Variants in APEH observed in about 807,000 individuals in gnomAD.
The protein encoded by APEH is acylamino-acid-releasing enzyme.
APEH carries 75 observed loss-of-function variants against 102.7 expected under a neutral mutation model. That is an observed-to-expected ratio of 0.73 (90% CI 0.61 to 0.89). The LOEUF (loss-of-function observed/expected upper bound fraction) is 0.89, where lower values mean the gene tolerates loss of function less well. APEH is among the 40% of genes least tolerant of loss of function. APEH has a pLI of 0.00. For synonymous variants in APEH, 344 were observed against 362.7 expected, an observed-to-expected ratio of 0.95 and a Z score of 0.59; for missense variants, 863 against 941.2, an observed-to-expected ratio of 0.92 and a Z score of 1.09.
chr3:49,682,806 A>G lies in APEH; in HGVS notation c.1884-37A>G, dbSNP rs774391391. 1.4e-5 allele frequency: 22 copies of G among 1,613,712 alleles called. No individual in the cohort carries two copies. The East Asian group carries it at 4.9e-4, about 36-fold the overall frequency. On this transcript the variant is annotated intron_variant, in intron 19 of 21. Coordinates refer to ENST00000296456, the MANE Select transcript of APEH (RefSeq NM_001640.4). ...AATTCTCATGGAGCCCCGTAGCCCC[A>G]GAATTCCTGGGGCTGCAACAGCTCG... is the stretch of plus-strand genomic sequence containing the variant.
intron 2 of APEH, 70 bp from the exon 3 acceptor site, chr3:49,675,113 C>T: frequency 1.2e-6 from 2 of 1,600,140 alleles, no homozygotes; most frequent in Non-Finnish European, 8.5e-7. Flanking sequence ...CTTCCTGGGT[C>T]AGGTGGGGCT....
chr3:49,677,442 G>A, intron 10 of APEH, 131 bp from the exon 11 acceptor site: 1 of 842,678 alleles, frequency 1.2e-6, no homozygotes, highest in Non-Finnish European at 2.0e-6. Flanking sequence ...CCAGAAAAGA[G>A]ATACATCAGG....
At position 49,683,372 on chromosome 3, in the gene APEH, C is replaced by T. The variant is rs537120703; in HGVS notation, c.*30C>T. The T allele has an allele frequency of 5.1e-6, 8 of 1,571,582 alleles. No homozygotes were observed. The highest frequency in any genetic ancestry group is 7.0e-6 in the Non-Finnish European group (8 of 1,142,124). On this transcript the variant is annotated 3_prime_UTR_variant, in exon 22 of 22. Transcript: ENST00000296456. The stretch of plus-strand genomic sequence containing the variant: ...CTGCCATTCTGCATGAGCTGATCAG[C>T]CTGTGCCACACTTCGCTCTTGAGGA...
At position 49,682,826 on chromosome 3, in the gene APEH, A is replaced by T. The variant is rs368072209; in HGVS notation, c.1884-17A>T. Reference sequence around the variant, plus strand: ...GCCCCAGAATTCCTGGGGCTGCAACAGCTCGGTGTCTTGCAGGTGCGTGGT... The same window carrying T: ...GCCCCAGAATTCCTGGGGCTGCAACTGCTCGGTGTCTTGCAGGTGCGTGGT... On this transcript the variant is annotated splice_polypyrimidine_tract_variant and intron_variant, in intron 19 of 21. Transcript: ENST00000296456. 1 of 1,614,010 alleles carries T rather than the reference A, an allele frequency of 6.2e-7. No homozygotes were observed.
intron 19 of APEH, 33 bp downstream of exon 19, chr3:49,682,769 T>C (rs1255241092): frequency 1.2e-6 from 2 of 1,613,556 alleles, no homozygotes; most frequent in African/African-American, 1.3e-5. Flanking sequence ...TGCCCTTCCC[T>C]CCTCTACCTC....
upstream of APEH, among the ~76,000 whole-genome samples, chr3:49,673,210 T>G (rs533789137): frequency 9.7e-4 from 142 of 146,852 alleles, no homozygotes; most frequent in African/African-American, 3.3e-3. Context: ...AAGCACGCCA[T>G]GGAGCAGGGA....
At chr3:49,680,730 C>G (rs888173504) in intron 14 of APEH, 101 bp downstream of exon 14, 2 of 1,095,324 alleles carry the variant, frequency 1.8e-6, no homozygotes, top group African/African-American at 3.1e-5. Flanking sequence ...GGCTGGTCAG[C>G]ATACAGACGG....
In APEH at chr3:49,676,798, C is replaced by T; in HGVS notation, c.858C>T (p.Asp286=). 6.2e-7 allele frequency: 1 copy of T among 1,614,248 alleles called. No homozygotes were observed. Among genetic ancestry groups the T allele is most frequent in the Non-Finnish European group, 8.5e-7 (1 of 1,180,038 alleles). The change falls in exon 9 of 22, where the codon GAC becomes GAT. Residue 286 remains aspartate (D), a synonymous_variant. Transcript: ENST00000296456. ...TNRRSALYYV[D]LIGGKCELLS... ...CCAGGTCAGCCCTGTATTATGTGGA[C>T]CTCATCGGGGGGAAGTGTGGTAAGT...
intron 1 of APEH, 38 bp downstream of exon 1, chr3:49,674,451 C>T (rs1365629554): frequency 6.4e-7 from 1 of 1,570,612 alleles, no homozygotes; most frequent in Non-Finnish European, 8.6e-7. Flanking sequence ...GTCCCTGCAG[C>T]CCGGGCCGGG....
Position 49,675,166 on chromosome 3 carries a change from C to T in APEH, c.146-17C>T. On this transcript the variant is annotated splice_polypyrimidine_tract_variant and intron_variant, in intron 2 of 21. Coordinates refer to ENST00000296456, the MANE Select transcript of APEH (RefSeq NM_001640.4). ...GTAGCCAAGACAAGGTGAGCAGTCT[C>T]ATGCCTCCCCTCACAGAGTGGACCC... 3.1e-6 allele frequency: 5 copies of T among 1,613,624 alleles called. No individual in the cohort carries two copies. The highest frequency in any genetic ancestry group is 2.2e-5 in the East Asian group (1 of 44,872).
rs768872805 is a variant in APEH at position 49,676,782 on chromosome 3, C to T, written c.842C>T (p.Ala281Val). The T allele has an allele frequency of 6.2e-7, 1 of 1,614,256 alleles. No individual in the cohort carries two copies. The highest frequency in any genetic ancestry group is 2.2e-5 in the East Asian group (1 of 44,886). Reference protein sequence around the residue: ...GIRFCTNRRSALYYVDLIGGK... With the variant: ...GIRFCTNRRSVLYYVDLIGGK... Reference sequence around the variant, plus strand: ...TGTCTGTCTCGTGGTTCCAGGTCAGCCCTGTATTATGTGGACCTCATCGGG... The same window carrying T: ...TGTCTGTCTCGTGGTTCCAGGTCAGTCCTGTATTATGTGGACCTCATCGGG... Residue 281 changes from alanine (A) to valine (V), a missense_variant, in exon 9 of 22, where the codon GCC becomes GTC. By Grantham distance (64) the Ala-to-Val change is moderately conservative (BLOSUM62 0). Transcript: ENST00000296456.
chr3:49,675,234 A>G lies in APEH; in HGVS notation c.197A>G (p.Gln66Arg). ...ERMENIRFCR[Q>R]YLVFHDGDSV... is the part of the protein sequence containing the mutation. ...ATGGAGAACATTCGATTCTGCCGCC[A>G]ATACCTGGTGTTCCATGACGGGGAC... The change falls in exon 3 of 22, where the codon CAA (glutamine) becomes CGA (arginine). Residue 66 changes from glutamine to arginine, a missense_variant. Transcript: ENST00000296456. The G allele has an allele frequency of 6.2e-7, 1 of 1,614,104 alleles. No homozygotes were observed.
At chr3:49,673,574 A>G (rs947448100), upstream of APEH, among the ~76,000 whole-genome samples, 1 of 152,012 alleles carries the variant, frequency 6.6e-6, no homozygotes, top group Non-Finnish European at 1.5e-5. Context: ...GCAGCACCCT[A>G]AGAGTTGGCA....
intron 10 of APEH, 108 bp downstream of exon 10, chr3:49,677,132 T>G: frequency 6.7e-7 from 1 of 1,494,986 alleles, no homozygotes; most frequent in South Asian, 1.2e-5. Context: ...GTAGGTGCCC[T>G]TCTGTCCTCA....
Position 49,675,623 on chromosome 3 carries a change from G to C in APEH, c.273-71G>C, listed in dbSNP as rs752799388. The C allele has an allele frequency of 5.6e-5, 79 of 1,417,832 alleles. No homozygotes were observed. The African/African-American group carries it at 1.0e-3, about 18-fold the overall frequency. 87.8% of individuals were successfully genotyped at this position (1,417,832 alleles called of 1,614,324 possible). A position where few individuals can be genotyped will look rare whatever the true frequency, so the allele number is the denominator to read the frequency against. The stretch of plus-strand genomic sequence containing the variant: ...AGAGCCTCAAGAATCTCTCCTAAGA[G>C]GTGTGCCCAGTAGGGAGCAGGAAGG... On this transcript the variant is annotated intron_variant, in intron 3 of 21. Transcript: ENST00000296456.
At position 49,674,569 on chromosome 3, in the gene APEH, G is replaced by A. The variant is rs1263102132; in HGVS notation, c.93G>A (p.Leu31=). Residue 31 remains leucine, a synonymous_variant, in exon 2 of 22, where the codon CTG becomes CTA. Coordinates refer to ENST00000296456, the MANE Select transcript of APEH (RefSeq NM_001640.4). ...AGCCCGCGCTGAGCGCCGCCTGCCTGGGCCCGGAGGTCACCACGCAGTACG... is the reference window on the plus strand; with the variant it reads ...AGCCCGCGCTGAGCGCCGCCTGCCTAGGCCCGGAGGTCACCACGCAGTACG... ...SRQPALSAAC[L]GPEVTTQYGG... 1.3e-6 allele frequency: 2 copies of A among 1,571,644 alleles called. No homozygotes were observed. Among genetic ancestry groups the A allele is most frequent in the Non-Finnish European group, 8.6e-7 (1 of 1,168,120 alleles).
upstream of APEH, chr3:49,674,304 G>C (rs1293374042): frequency 2.5e-5 from 36 of 1,441,324 alleles, no homozygotes; most frequent in Non-Finnish European, 3.2e-5. Flanking sequence ...CGCAGGGCAG[G>C]GGCGGAGACA....
chr3:49,678,317 C>T (rs2053162533), intron 11 of APEH, among the ~76,000 whole-genome samples: 1 of 152,154 alleles, frequency 6.6e-6, no homozygotes, highest in African/African-American at 2.4e-5. Flanking sequence ...CCCAGCTCTG[C>T]CCTAAATTAG....
chr3:49,682,004 C>T (rs752055719), intron 17 of APEH, 37 bp downstream of exon 17: 1 of 1,589,020 alleles, frequency 6.3e-7, no homozygotes, highest in Non-Finnish European at 8.6e-7. Flanking sequence ...GTTAGGACTA[C>T]AGTGGAGTGA....
Sources: gnomAD v4.1 joint callset for allele counts (sites outside exome capture counted in the v4.1 genomes callset) on GRCh38, gnomAD v4.1.1 for gene constraint, MANE v1.5 for transcripts, NCBI Gene and HGNC (gene_info 2026-07-23, HGNC 2026-07-21) for gene names.